Variants in PANK4 observed in about 807,000 individuals in gnomAD.
The protein encoded by PANK4 is 4'-phosphopantetheine phosphatase.
A neutral mutation model predicts 87.9 loss-of-function variants in PANK4; 40 were observed. That is an observed-to-expected ratio of 0.46 (90% CI 0.35 to 0.59). The LOEUF is 0.59. Among genes scored for constraint, PANK4 ranks in the 20% least tolerant of loss-of-function variants. The probability of loss-of-function intolerance (pLI) is 0.00; values close to 1 mark genes in which losing one functional copy is unlikely to be tolerated. For missense variants in PANK4, 926 were observed against 1,072.3 expected (o/e 0.86, Z 1.90); for synonymous variants, 524 against 467.4 (o/e 1.12, Z -1.56).
Position 2,521,803 on chromosome 1 carries a change from G to T in PANK4, c.125-3C>A. ...GGCCAGCTTGGTTAACGACCCGCCT[G>T]CAGGGGAGACACAAACCGGGCAGGA... On this transcript the variant is annotated splice_region_variant and splice_polypyrimidine_tract_variant and intron_variant, in intron 1 of 18. Coordinates refer to ENST00000378466, the MANE Select transcript of PANK4 (RefSeq NM_018216.4). 1 of 1,613,146 alleles carries T rather than the reference G, an allele frequency of 6.2e-7. No individual in the cohort carries two copies. The highest frequency in any genetic ancestry group is 8.5e-7 in the Non-Finnish European group (1 of 1,179,274).
intron 7 of PANK4, 30 bp from the exon 8 acceptor site, chr1:2,518,627 T>G (rs776793194): frequency 3.9e-6 from 6 of 1,539,446 alleles, no homozygotes; most frequent in Non-Finnish European, 5.3e-6. Flanking sequence ...CGTGCTGCTG[T>G]TGGCCCCACA....
rs1232266799 is a variant in PANK4 at position 2,521,278 on chromosome 1, G to A, written c.245C>T (p.Ser82Leu). ...TCGAGCAGTGATCTCTTCTTGAACT[G>A]AAATCTCATAGGGCGGCTCATGTTC... ...EREHEPPYEI[S>L]VQEEITARLH... The change falls in exon 3 of 19, where the codon TCA becomes TTA. Residue 82 changes from serine to leucine, a missense_variant. Physicochemically the swap from Ser to Leu is moderately radical, Grantham distance 145 (BLOSUM62 -2). Coordinates refer to ENST00000378466, the MANE Select transcript of PANK4 (RefSeq NM_018216.4). 6.2e-7 allele frequency: 1 copy of A among 1,613,922 alleles called. No individual in the cohort carries two copies. Among genetic ancestry groups the A allele is most frequent in the Admixed American group, 1.7e-5 (1 of 60,032 alleles).
intron 1 of PANK4, chr1:2,525,581 C>A (rs1453453955): frequency 6.6e-6 from 1 of 152,188 alleles, no homozygotes; most frequent in Admixed American, 6.5e-5. Context: ...AGCCCGATGA[C>A]CCTGGGCAAA....
intron 12 of PANK4, 112 bp from the exon 13 acceptor site, chr1:2,513,151 G>A: frequency 3.5e-6 from 4 of 1,144,136 alleles, no homozygotes; most frequent in Non-Finnish European, 5.0e-6. Flanking sequence ...CGAAGACTCA[G>A]GCCCAACTGG....
chr1:2,522,264 C>A (rs915751071), intron 1 of PANK4, among the ~76,000 whole-genome samples: 22 of 152,318 alleles, frequency 1.4e-4, no homozygotes, highest in Admixed American at 2.6e-4. Flanking sequence ...CAGCCCAGGG[C>A]GGTAACGGGG....
rs1338981932 is a variant in PANK4, at chr1:2,526,367, C to G, written c.124+97G>C. ...TGAGGCTGTGCGCGAGGCCCGCGCC[C>G]CCGCCCTTCGTCCTTCCCGCCGCCC... On this transcript the variant is annotated intron_variant, in intron 1 of 18. Transcript: ENST00000378466. 4.1e-6 allele frequency: 3 copies of G among 727,694 alleles called. No homozygotes were observed. The African/African-American group carries it at 5.8e-5, about 14-fold the overall frequency. 45.1% of individuals were successfully genotyped at this position (727,694 alleles called of 1,614,324 possible).
In PANK4 at chr1:2,520,504, A is replaced by T; in HGVS notation, c.607-90T>A. The T allele has an allele frequency of 1.6e-6, 1 of 639,064 alleles. No homozygotes were observed. Among genetic ancestry groups the T allele is most frequent in the Non-Finnish European group, 2.2e-6 (1 of 445,874 alleles). The allele number at this position is 639,064 out of a possible 1,614,324, so 39.6% of individuals were successfully genotyped here. A position where few individuals can be genotyped will look rare whatever the true frequency, so the allele number is the denominator to read the frequency against. Reference sequence around the variant, plus strand: ...CCGCCCCATGTGCTGCGCTGGGGTGAACCCCGCCCCCACCCCAACCGCCAG... The same window carrying T: ...CCGCCCCATGTGCTGCGCTGGGGTGTACCCCGCCCCCACCCCAACCGCCAG... On this transcript the variant is annotated intron_variant, in intron 4 of 18. Coordinates refer to ENST00000378466, the MANE Select transcript of PANK4 (RefSeq NM_018216.4). This position sits in a 1 kb window ranked among gnomAD's most constrained non-coding sequence, Gnocchi z 6.2.
rs994394719 is a variant in PANK4 at position 2,513,799 on chromosome 1, T to TG, written c.1575+202dup. Among the ~76,000 whole-genome samples the TG allele has an allele frequency of 2.6e-5, 4 of 152,140 alleles. No individual in the cohort carries two copies. The South Asian group carries it at 6.2e-4, about 24-fold the overall frequency. ...CACCCCTAAGTGGCCCCAGCATCTGTGGGGGTAACACAGCTCCTCAGCAGA... is the reference window on the plus strand; with the variant it reads ...CACCCCTAAGTGGCCCCAGCATCTGTGGGGGGTAACACAGCTCCTCAGCAGA... On this transcript the variant is annotated intron_variant, in intron 12 of 18. Coordinates refer to ENST00000378466, the MANE Select transcript of PANK4 (RefSeq NM_018216.4).
At position 2,519,669 on chromosome 1, in the gene PANK4, A is replaced by T; in HGVS notation, c.853+132T>A. The T allele has an allele frequency of 1.1e-6, 1 of 926,712 alleles. No homozygotes were observed. Among genetic ancestry groups the T allele is most frequent in the Non-Finnish European group, 1.6e-6 (1 of 634,828 alleles). 57.4% of individuals were successfully genotyped at this position (926,712 alleles called of 1,614,324 possible). A position where few individuals can be genotyped will look rare whatever the true frequency, so the allele number is the denominator to read the frequency against. ...CAGCGACTCGGCAGGAAGAGGTTAC[A>T]GGGCTGACACCCAAGACCCCGACTC... On this transcript the variant is annotated intron_variant, in intron 6 of 18. Transcript: ENST00000378466. The surrounding 1 kb of genome is among the most constrained non-coding windows in gnomAD (Gnocchi z 8.3).
At position 2,520,883 on chromosome 1, in the gene PANK4, G is replaced by A; in HGVS notation, c.446C>T (p.Thr149Met). 6.4e-7 allele frequency: 1 copy of A among 1,558,604 alleles called. No homozygotes were observed. The highest frequency in any genetic ancestry group is 8.7e-7 in the Non-Finnish European group (1 of 1,153,320). Residue 149 changes from threonine (T) to methionine (M), a missense_variant, in exon 4 of 19, where the codon ACG becomes ATG. Coordinates refer to ENST00000378466, the MANE Select transcript of PANK4 (RefSeq NM_018216.4). This position sits in a 1 kb window ranked among gnomAD's most constrained non-coding sequence, Gnocchi z 6.2. ...GAAGTTGCACCCCTTAATCAGGCAC[G>A]TCATCACGTCCTCCTTGTCGACTCT... The part of the protein sequence containing the change: ...RLKVDKEDVM[T>M]CLIKGCNFVL...
At position 2,520,805 on chromosome 1, in the gene PANK4, G is replaced by A; in HGVS notation, c.524C>T (p.Pro175Leu). 1 of 1,611,938 alleles carries A rather than the reference G, an allele frequency of 6.2e-7. No homozygotes were observed. Among genetic ancestry groups the A allele is most frequent in the Non-Finnish European group, 8.5e-7 (1 of 1,179,170 alleles). ...EAFVYQKDSD[P>L]EFRFQTNHPH... is the part of the protein sequence containing the mutation. ...GTGGTTGGTCTGGAACCGGAACTCA[G>A]GGTCGGAATCCTTCTGGTACACGAA... Residue 175 changes from proline (P) to leucine (L), a missense_variant, in exon 4 of 19, where the codon CCT (proline) becomes CTT (leucine). Pro to Leu is a moderately conservative substitution (Grantham distance 98, BLOSUM62 -3). Transcript: ENST00000378466. This position sits in a 1 kb window ranked among gnomAD's most constrained non-coding sequence, Gnocchi z 6.2.
chr1:2,519,170 G>A lies in PANK4; in HGVS notation c.1008C>T (p.Ile336=), dbSNP rs148539295. The A allele has an allele frequency of 3.7e-6, 6 of 1,612,700 alleles. No homozygotes were observed. The highest frequency in any genetic ancestry group is 1.7e-5 in the Admixed American group (1 of 60,014). ...IRGHPVTMRT[I]TYSINFFSKG... The stretch of plus-strand genomic sequence containing the variant: ...TGGAGAAGAAGTTGATGCTATAGGT[G>A]ATGGTGCGCATGGTCACGGGGTGGC... Residue 336 remains isoleucine, a synonymous_variant, in exon 7 of 19, where the codon ATC becomes ATT. Transcript: ENST00000378466. This position sits in a 1 kb window ranked among gnomAD's most constrained non-coding sequence, Gnocchi z 8.3.
At position 2,520,533 on chromosome 1, in the gene PANK4, G is replaced by C; in HGVS notation, c.607-119C>G. 3.9e-6 allele frequency: 4 copies of C among 1,030,208 alleles called. No individual in the cohort carries two copies. 63.8% of individuals were successfully genotyped at this position (1,030,208 alleles called of 1,614,324 possible). ...CCGCCCCCACCCCAACCGCCAGTGG[G>C]AGGACTCTCATGGCCAAGCCTGGGG... On this transcript the variant is annotated intron_variant, in intron 4 of 18. Transcript: ENST00000378466. This position sits in a 1 kb window ranked among gnomAD's most constrained non-coding sequence, Gnocchi z 6.2.
At position 2,508,616 on chromosome 1, in the gene PANK4, A is replaced by ATG; in HGVS notation, c.*230_*231insCA. The stretch of plus-strand genomic sequence containing the variant: ...TACCTGTATAGATCTCTCTATTTAT[A>ATG]TATATATATATATAAAAGGTTCTTT... On this transcript the variant is annotated 3_prime_UTR_variant, in exon 19 of 19. Transcript: ENST00000378466. This position sits in a 1 kb window ranked among gnomAD's most constrained non-coding sequence, Gnocchi z 5.1. 1 of 245,168 alleles carries ATG rather than the reference A, an allele frequency of 4.1e-6. No individual in the cohort carries two copies. 15.2% of individuals were successfully genotyped at this position (245,168 alleles called of 1,614,324 possible). A position where few individuals can be genotyped will look rare whatever the true frequency, so the allele number is the denominator to read the frequency against.
Position 2,515,452 on chromosome 1 carries a change from G to A in PANK4, c.1374+110C>T, listed in dbSNP as rs1643751077. 2.4e-6 allele frequency: 3 copies of A among 1,243,014 alleles called. No homozygotes were observed. In the Admixed American group the frequency reaches 5.2e-5, roughly 21 times the overall value. 77.0% of individuals were successfully genotyped at this position (1,243,014 alleles called of 1,614,324 possible). A position where few individuals can be genotyped will look rare whatever the true frequency, so the allele number is the denominator to read the frequency against. ...CTCAGACGCAGATCAAGGGGTTTCT[G>A]GACAACACTGGCCTGTCCCCCTTCG... On this transcript the variant is annotated intron_variant, in intron 10 of 18. Coordinates refer to ENST00000378466, the MANE Select transcript of PANK4 (RefSeq NM_018216.4). This position sits in a 1 kb window ranked among gnomAD's most constrained non-coding sequence, Gnocchi z 5.0.
rs371742224 is a variant in PANK4 at position 2,511,078 on chromosome 1, AG to A, written c.1833+259del. ...GGGGCTTCAGGACCCCAGAGGCGCC[AG>A]GGACGGATTGGCCTGCAGGGGCCAG... On this transcript the variant is annotated intron_variant, in intron 15 of 18. Transcript: ENST00000378466. 3.9e-4 allele frequency among the ~76,000 whole-genome samples: 60 copies of A among 152,182 alleles called. 1 individual carries two copies. Among genetic ancestry groups the A allele is most frequent in the African/African-American group, 1.3e-3 (56 of 41,536 alleles).
intron 7 of PANK4, among the ~76,000 whole-genome samples, chr1:2,518,849 A>C (rs1408527169): frequency 6.6e-6 from 1 of 152,232 alleles, no homozygotes; most frequent in Non-Finnish European, 1.5e-5. Context: ...TGCGTCAGGC[A>C]TGTGGGTGGG....
At chr1:2,514,770 G>A (rs1456986309) in intron 10 of PANK4, among the ~76,000 whole-genome samples, 1 of 152,012 alleles carries the variant, frequency 6.6e-6, no homozygotes, top group African/African-American at 2.4e-5. Flanking sequence ...GAACAGGAAA[G>A]GCTGACGGTG....
Position 2,509,647 on chromosome 1 carries a change from T to G in PANK4, c.2108+215A>C, listed in dbSNP as rs1643626336. ...CCCAAGTCCCCAAACCCAGCCCATG[T>G]GTAACCACCTCAGACCCTGAATCCA... On this transcript the variant is annotated intron_variant, in intron 18 of 18. Coordinates refer to ENST00000378466, the MANE Select transcript of PANK4 (RefSeq NM_018216.4). The surrounding 1 kb of genome is among the most constrained non-coding windows in gnomAD (Gnocchi z 4.9). 4.3e-5 allele frequency: 26 copies of G among 605,536 alleles called. 1 individual carries two copies. In the South Asian group the frequency reaches 5.2e-4, roughly 12 times the overall value. 37.5% of individuals were successfully genotyped at this position (605,536 alleles called of 1,614,324 possible). A position where few individuals can be genotyped will look rare whatever the true frequency, so the allele number is the denominator to read the frequency against.
Sources: gnomAD v4.1 joint callset for allele counts (sites outside exome capture counted in the v4.1 genomes callset) on GRCh38, gnomAD v4.1.1 for gene constraint, Gnocchi (gnomAD v3.1) non-coding constraint, MANE v1.5 for transcripts, NCBI Gene and HGNC (gene_info 2026-07-23, HGNC 2026-07-21) for gene names.